PABPC4L: variants seen among roughly 807,000 people sequenced by gnomAD.
The protein encoded by PABPC4L is poly(A) binding protein cytoplasmic 4 like.
For synonymous variants in PABPC4L, 169 were observed against 164.1 expected, an observed-to-expected ratio of 1.03 and a Z score of -0.23; for missense variants, 452 against 451.4, an observed-to-expected ratio of 1.00 and a Z score of -0.01.
At chr4:134,143,726 A>T in the PABPC4L span, among the ~76,000 whole-genome samples, 1 of 151,410 alleles carries the variant, frequency 6.6e-6, no homozygotes, top group African/African-American at 2.4e-5. Flanking sequence ...AATCACCTAA[A>T]TTATAAGAAA....
chr4:134,034,131 C>T, the PABPC4L span, among the ~76,000 whole-genome samples: 1 of 151,804 alleles, frequency 6.6e-6, no homozygotes, highest in Non-Finnish European at 1.5e-5. Flanking sequence ...TTTGAAAATC[C>T]TAACACCCTT....
the PABPC4L span, among the ~76,000 whole-genome samples, chr4:134,013,237 G>A: frequency 1.3e-5 from 2 of 151,618 alleles, no homozygotes; most frequent in African/African-American, 2.4e-5. Context: ...CAGGAACCCC[G>A]ACCTCTTATC....
At chr4:133,955,959 A>G in the PABPC4L span, among the ~76,000 whole-genome samples, 12 of 152,152 alleles carry the variant, frequency 7.9e-5, no homozygotes, top group Admixed American at 7.9e-4. Context: ...AGAAGAGTCA[A>G]TAAATGCTCT....
chr4:134,158,499 A>T, the PABPC4L span, among the ~76,000 whole-genome samples: 1 of 152,028 alleles, frequency 6.6e-6, no homozygotes. Context: ...CAGACATAAA[A>T]TCTTTTTGTT....
At chr4:134,144,211 C>A in the PABPC4L span, among the ~76,000 whole-genome samples, 1 of 151,506 alleles carries the variant, frequency 6.6e-6, no homozygotes, top group Non-Finnish European at 1.5e-5. Flanking sequence ...AATCAGTTGA[C>A]ACAAGCTAGC....
At chr4:134,006,024 A>C in the PABPC4L span, among the ~76,000 whole-genome samples, 1 of 151,960 alleles carries the variant, frequency 6.6e-6, no homozygotes, top group East Asian at 1.9e-4. Context: ...TTCACAATTT[A>C]AGTTGTGTAA....
At chr4:134,189,820 T>TTG in the PABPC4L span, among the ~76,000 whole-genome samples, 1 of 152,112 alleles carries the variant, frequency 6.6e-6, no homozygotes, top group Non-Finnish European at 1.5e-5. Context: ...TTGACTGGAA[T>TTG]TGTGTATTTA....
At chr4:134,078,474 C>G in the PABPC4L span, among the ~76,000 whole-genome samples, 7 of 151,830 alleles carry the variant, frequency 4.6e-5, no homozygotes, top group Admixed American at 6.6e-5. Flanking sequence ...AAACAAAAAA[C>G]GAAAGAAAGA....
chr4:134,143,400 T>G, the PABPC4L span, among the ~76,000 whole-genome samples: 1 of 150,238 alleles, frequency 6.7e-6, no homozygotes, highest in African/African-American at 2.4e-5. Context: ...TCATATGTAT[T>G]ATATTCATAT....
At chr4:133,989,204 T>A in the PABPC4L span, among the ~76,000 whole-genome samples, 2 of 152,308 alleles carry the variant, frequency 1.3e-5, no homozygotes, top group East Asian at 3.9e-4. Context: ...TGTTGGTGAA[T>A]AACATTCGAC....
the PABPC4L span, among the ~76,000 whole-genome samples, chr4:134,146,371 T>A: frequency 4.6e-5 from 7 of 152,062 alleles, no homozygotes; most frequent in East Asian, 1.4e-3. Flanking sequence ...ATATAAGAAA[T>A]TATTACAAAA....
At chr4:134,008,152 T>C in the PABPC4L span, among the ~76,000 whole-genome samples, 1 of 151,842 alleles carries the variant, frequency 6.6e-6, no homozygotes, top group African/African-American at 2.4e-5. Flanking sequence ...GGTTATTTTG[T>C]TTCAAATAAA....
At chr4:133,956,053 C>T in the PABPC4L span, among the ~76,000 whole-genome samples, 3 of 151,428 alleles carry the variant, frequency 2.0e-5, no homozygotes, top group African/African-American at 7.3e-5. Flanking sequence ...ATCAAATGGA[C>T]TTATTAAAAA....
At chr4:134,063,470 TG>T in the PABPC4L span, among the ~76,000 whole-genome samples, 1 of 152,006 alleles carries the variant, frequency 6.6e-6, no homozygotes, top group Non-Finnish European at 1.5e-5. Flanking sequence ...GGTAAATACA[TG>T]GGTAACCTAA....
chr4:134,054,949 T>C, the PABPC4L span, among the ~76,000 whole-genome samples: 20 of 152,064 alleles, frequency 1.3e-4, no homozygotes, highest in African/African-American at 4.1e-4. Flanking sequence ...AAACACCAGA[T>C]CATCTTGTAT....
chr4:133,950,193 A>G, the PABPC4L span, among the ~76,000 whole-genome samples: 2 of 152,072 alleles, frequency 1.3e-5, no homozygotes, highest in African/African-American at 2.4e-5. Flanking sequence ...ACCAAGCCAA[A>G]TCTGGGTATA....
the PABPC4L span, among the ~76,000 whole-genome samples, chr4:134,083,337 G>A: frequency 1.3e-5 from 2 of 151,866 alleles, no homozygotes; most frequent in African/African-American, 4.8e-5. Context: ...TACTGATCGA[G>A]GATTGGATTA....
chr4:134,011,011 A>C, the PABPC4L span, among the ~76,000 whole-genome samples: 1 of 152,144 alleles, frequency 6.6e-6, no homozygotes, highest in Admixed American at 6.6e-5. Flanking sequence ...ACTTTTTGGC[A>C]CTTAAAATTG....
the PABPC4L span, among the ~76,000 whole-genome samples, chr4:134,050,875 C>G: frequency 3.0e-5 from 3 of 99,658 alleles, no homozygotes; most frequent in African/African-American, 1.2e-4. Context: ...TCTATATTGA[C>G]CTTTATTTTT....
Sources: allele counts gnomAD v4.1 joint callset (sites outside exome capture counted in the v4.1 genomes callset), GRCh38; gene constraint gnomAD v4.1.1; transcripts MANE v1.5; gene names NCBI Gene and HGNC (gene_info 2026-07-23, HGNC 2026-07-21).